Variants in TTYH3 observed in about 807,000 individuals in gnomAD.
TTYH3 encodes protein tweety homolog 3.
In TTYH3, 23 loss-of-function variants were observed where a neutral mutation model predicts 68.2. The observed-to-expected ratio is 0.34, with a 90% CI of 0.24 to 0.48. The LOEUF (loss-of-function observed/expected upper bound fraction) is 0.48, where lower values mean the gene tolerates loss of function less well. Among genes scored for constraint, TTYH3 ranks in the 20% least tolerant of loss-of-function variants. The pLI, the probability that TTYH3 is intolerant of heterozygous loss-of-function variation, is 0.99. For missense variants in TTYH3, 768 were observed against 727.7 expected (o/e 1.06, Z -0.64); for synonymous variants, 360 against 332.8 (o/e 1.08, Z -0.89).
chr7:2,656,896 C>A (rs1236887854), intron 11 of TTYH3, among the ~76,000 whole-genome samples: 1 of 152,232 alleles, frequency 6.6e-6, no homozygotes, highest in Non-Finnish European at 1.5e-5. Context: ...CAGGTGTCCC[C>A]CACCATGGGG....
At chr7:2,642,360 G>T (rs778402167) in intron 1 of TTYH3, among the ~76,000 whole-genome samples, 2 of 152,010 alleles carry the variant, frequency 1.3e-5, no homozygotes, top group African/African-American at 4.8e-5. Flanking sequence ...GGCCAACGTG[G>T]TGAACTCCCC....
intron 1 of TTYH3, among the ~76,000 whole-genome samples, chr7:2,642,239 T>C (rs894211152): frequency 2.7e-5 from 4 of 146,384 alleles, no homozygotes; most frequent in African/African-American, 1.1e-4. Context: ...TACAAAAAAT[T>C]TTTTTAAAAA....
At position 2,632,966 on chromosome 7, in the gene TTYH3, G is replaced by A. The variant is rs1401250404; in HGVS notation, c.123+688G>A. Among the ~76,000 whole-genome samples, 4 of 152,154 alleles carry A rather than the reference G, an allele frequency of 2.6e-5. No individual in the cohort carries two copies. The East Asian group carries it at 7.7e-4, about 29-fold the overall frequency. On this transcript the variant is annotated intron_variant, in intron 1 of 13. Coordinates refer to ENST00000258796, the MANE Select transcript of TTYH3 (RefSeq NM_025250.3). Reference sequence around the variant, plus strand: ...GGGAGGGAGGCCCGGCGGCCAGGAAGCACCGTGGGCCTCAGGCAGGGAGGC... The same window carrying A: ...GGGAGGGAGGCCCGGCGGCCAGGAAACACCGTGGGCCTCAGGCAGGGAGGC...
intron 1 of TTYH3, among the ~76,000 whole-genome samples, chr7:2,633,490 G>T (rs1785580031): frequency 6.6e-6 from 1 of 152,078 alleles, no homozygotes; most frequent in Non-Finnish European, 1.5e-5. Flanking sequence ...AGGGGGCGAG[G>T]GATCGGCCCA....
At position 2,652,249 on chromosome 7, in the gene TTYH3, G is replaced by T. The variant is rs768418777; in HGVS notation, c.927+7G>T. The T allele has an allele frequency of 1.9e-6, 3 of 1,610,966 alleles. No individual in the cohort carries two copies. The highest frequency in any genetic ancestry group is 2.2e-5 in the East Asian group (1 of 44,896). Reference sequence around the variant, plus strand: ...CGCCAACCCCTTCCAGCAGGTGAGAGCCTGGGAGGCCGGGACTGGGCTTCA... The same window carrying T: ...CGCCAACCCCTTCCAGCAGGTGAGATCCTGGGAGGCCGGGACTGGGCTTCA... On this transcript the variant is annotated splice_region_variant and intron_variant, in intron 8 of 13. Transcript: ENST00000258796.
intron 1 of TTYH3, among the ~76,000 whole-genome samples, chr7:2,643,624 G>A (rs918493969): frequency 1.3e-5 from 2 of 152,228 alleles, no homozygotes; most frequent in African/African-American, 2.4e-5. Flanking sequence ...TCTGAGGGAC[G>A]GGCTTGCCTC....
At chr7:2,637,398 G>A (rs1039602559) in intron 1 of TTYH3, among the ~76,000 whole-genome samples, 1 of 152,188 alleles carries the variant, frequency 6.6e-6, no homozygotes, top group African/African-American at 2.4e-5. Flanking sequence ...CAGTGGCCCT[G>A]GGAGGTGGAC....
intron 1 of TTYH3, among the ~76,000 whole-genome samples, chr7:2,638,136 C>A (rs890923421): frequency 6.6e-6 from 1 of 152,136 alleles, no homozygotes; most frequent in African/African-American, 2.4e-5. Flanking sequence ...GGCTGCCTCT[C>A]CCTGGTAGGG....
At chr7:2,661,512 T>C (rs1416855227) in intron 13 of TTYH3, among the ~76,000 whole-genome samples, 156 bp from the exon 14 acceptor site, 1 of 151,940 alleles carries the variant, frequency 6.6e-6, no homozygotes, top group African/African-American at 2.4e-5. Flanking sequence ...GGCCCCTCCT[T>C]AGCCCCTCCC....
rs1037520015 is a variant in TTYH3 at position 2,650,222 on chromosome 7, G to A, written c.871+234G>A. ...CGGGTGCCCGCGTGGCAGGGGGAGC[G>A]GCAGGTGACCCAGGGCTGCTTCGAG... On this transcript the variant is annotated intron_variant, in intron 7 of 13. Transcript: ENST00000258796. Among the ~76,000 whole-genome samples, 68 of 152,220 alleles carry A rather than the reference G, an allele frequency of 4.5e-4. 1 individual carries two copies. The highest frequency in any genetic ancestry group is 4.4e-3 in the Admixed American group (68 of 15,284).
chr7:2,645,293 G>T lies in TTYH3; in HGVS notation c.124-1560G>T, dbSNP rs1051673493. On this transcript the variant is annotated intron_variant, in intron 1 of 13. Transcript: ENST00000258796. This position sits in a 1 kb window ranked among gnomAD's most constrained non-coding sequence, Gnocchi z 4.8. ...CCAGGGACCTGGGGTTGCAGGGCCT[G>T]TGTGCTTTCTCTGTAGCTTCTATGA... Among the ~76,000 whole-genome samples, 1 of 152,244 alleles carries T rather than the reference G, an allele frequency of 6.6e-6. No individual in the cohort carries two copies. Among genetic ancestry groups the T allele is most frequent in the African/African-American group, 2.4e-5 (1 of 41,468 alleles).
intron 1 of TTYH3, among the ~76,000 whole-genome samples, chr7:2,637,612 C>T (rs1354650296): frequency 6.6e-6 from 1 of 152,190 alleles, no homozygotes; most frequent in Non-Finnish European, 1.5e-5. Context: ...CTGCTGAGGC[C>T]TCGGCTAGAG....
intron 5 of TTYH3, 39 bp downstream of exon 5, chr7:2,648,093 G>T: frequency 6.3e-7 from 1 of 1,576,304 alleles, no homozygotes. Flanking sequence ...GGCCCAAAGC[G>T]GAGGGGCAGG....
At position 2,650,520 on chromosome 7, in the gene TTYH3, A is replaced by G. The variant is rs547561037; in HGVS notation, c.871+532A>G. On this transcript the variant is annotated intron_variant, in intron 7 of 13. Transcript: ENST00000258796. ...CTGAACCCAGGAGGTGGAGGTTGCAATGAGCCGAGATCGCACCACTGCATT... is the reference window on the plus strand; with the variant it reads ...CTGAACCCAGGAGGTGGAGGTTGCAGTGAGCCGAGATCGCACCACTGCATT... Among the ~76,000 whole-genome samples the G allele has an allele frequency of 1.1e-3, 164 of 152,072 alleles. 1 individual carries two copies. Among genetic ancestry groups the G allele is most frequent in the African/African-American group, 3.9e-3 (162 of 41,496 alleles).
chr7:2,652,188 C>T lies in TTYH3; in HGVS notation c.873C>T (p.Asp291=), dbSNP rs1245475018. 6.2e-7 allele frequency: 1 copy of T among 1,613,298 alleles called. No homozygotes were observed. The highest frequency in any genetic ancestry group is 8.5e-7 in the Non-Finnish European group (1 of 1,179,988). The change falls in exon 8 of 14, where the codon GAC becomes GAT. Residue 291 remains aspartate, a splice_region_variant and synonymous_variant. Transcript: ENST00000258796. The part of the protein sequence containing the change: ...MVEEYSVLSG[D]ILQYYLACSP... ...GCCTTCCCTGATGTCTCTCCGCAGA[C>T]ATCCTGCAGTACTACCTGGCCTGCT...
In TTYH3 at chr7:2,661,725, A is replaced by G. The variant is rs766367959; in HGVS notation, c.1558A>G (p.Ser520Gly). Residue 520 changes from serine to glycine, a missense_variant, in exon 14 of 14, where the codon AGC (serine) becomes GGC (glycine). Coordinates refer to ENST00000258796, the MANE Select transcript of TTYH3 (RefSeq NM_025250.3). Reference protein sequence around the residue: ...LATSQPRPDSSGSH With the variant: ...LATSQPRPDSGGSH ...CACGAGCCAGCCTCGCCCTGACTCC[A>G]GCGGCAGCCACTAGACCGCGCCCGG... 29 of 1,610,224 alleles carry G rather than the reference A, an allele frequency of 1.8e-5. No individual in the cohort carries two copies. The highest frequency in any genetic ancestry group is 2.5e-5 in the Non-Finnish European group (29 of 1,179,160).
rs980710984 is a variant in TTYH3, at chr7:2,654,189, G to A, written c.1020+1179G>A. On this transcript the variant is annotated intron_variant, in intron 9 of 13. Coordinates refer to ENST00000258796, the MANE Select transcript of TTYH3 (RefSeq NM_025250.3). ...GCAAGGGGATCACTTGAGCCCACGAGTTCAAGACCATCCTGGGCAACATAG... is the reference window on the plus strand; with the variant it reads ...GCAAGGGGATCACTTGAGCCCACGAATTCAAGACCATCCTGGGCAACATAG... 4.6e-5 allele frequency among the ~76,000 whole-genome samples: 7 copies of A among 152,184 alleles called. 1 individual carries two copies. Among genetic ancestry groups the A allele is most frequent in the African/African-American group, 1.7e-4 (7 of 41,454 alleles).
chr7:2,658,435 G>A lies in TTYH3; in HGVS notation c.1400G>A (p.Ser467Asn). 1 of 1,612,176 alleles carries A rather than the reference G, an allele frequency of 6.2e-7. No individual in the cohort carries two copies. Among genetic ancestry groups the A allele is most frequent in the Non-Finnish European group, 8.5e-7 (1 of 1,179,560 alleles). The change falls in exon 12 of 14, where the codon AGC becomes AAC. Residue 467 changes from serine to asparagine, a missense_variant. Transcript: ENST00000258796. Reference sequence around the variant, plus strand: ...ATCCCGGCCGCGGCCCACACCGTCAGCAACGCCCCGGTCACTGAGTACATG... The same window carrying A: ...ATCCCGGCCGCGGCCCACACCGTCAACAACGCCCCGGTCACTGAGTACATG... ...TSIPAAAHTV[S>N]NAPVTEYMSQ...
intron 2 of TTYH3, 47 bp from the exon 3 acceptor site, chr7:2,647,093 GGT>G (rs771891850): frequency 5.2e-6 from 8 of 1,544,478 alleles, no homozygotes; most frequent in African/African-American, 4.1e-5. Context: ...GCTGGAGTGG[GGT>G]GTGTGTGGGT....
Sources: gnomAD v4.1 joint callset for allele counts (sites outside exome capture counted in the v4.1 genomes callset) on GRCh38, gnomAD v4.1.1 for gene constraint, Gnocchi (gnomAD v3.1) non-coding constraint, MANE v1.5 for transcripts, NCBI Gene and HGNC (gene_info 2026-07-23, HGNC 2026-07-21) for gene names.